Variants in USH2A observed in about 807,000 individuals in gnomAD.
USH2A encodes Usher syndrome 2A (autosomal recessive, mild).
A neutral mutation model predicts 538.9 loss-of-function variants in USH2A; 443 were observed. The observed-to-expected ratio is 0.82, with a 90% CI of 0.76 to 0.89. The LOEUF (loss-of-function observed/expected upper bound fraction) is 0.89. Among genes scored for constraint, USH2A ranks in the 40% least tolerant of loss-of-function variants. USH2A has a pLI of 0.00. For synonymous variants in USH2A, 2,413 were observed against 2,273.5 expected, an observed-to-expected ratio of 1.06 and a Z score of -1.75; for missense variants, 6,633 against 6,324.8, an observed-to-expected ratio of 1.05 and a Z score of -1.65.
At chr1:216,379,334 A>G (rs945361267) in intron 3 of USH2A, among the ~76,000 whole-genome samples, 8 of 152,150 alleles carry the variant, frequency 5.3e-5, no homozygotes, top group African/African-American at 1.9e-4. Context: ...TTCTTCTTCT[A>G]AGGATTTGAG....
chr1:215,793,324 A>G (rs1397327261), intron 50 of USH2A, among the ~76,000 whole-genome samples: 4 of 152,106 alleles, frequency 2.6e-5, no homozygotes, highest in Non-Finnish European at 4.4e-5. Flanking sequence ...AAACTCTGAG[A>G]TTGTTCATGG....
chr1:215,877,105 GAC>G (rs1664791671), intron 43 of USH2A, among the ~76,000 whole-genome samples: 1 of 152,058 alleles, frequency 6.6e-6, no homozygotes, highest in East Asian at 1.9e-4. Flanking sequence ...TCATTTTATG[GAC>G]AACAAAAATG....
At chr1:215,984,788 T>C (rs1667833731) in intron 35 of USH2A, among the ~76,000 whole-genome samples, 1 of 152,208 alleles carries the variant, frequency 6.6e-6, no homozygotes, top group South Asian at 2.1e-4. Flanking sequence ...CAAACATATT[T>C]GTTTGTCTTT....
At chr1:215,830,708 C>G (rs1258242483) in intron 47 of USH2A, among the ~76,000 whole-genome samples, 1 of 152,184 alleles carries the variant, frequency 6.6e-6, no homozygotes, top group Non-Finnish European at 1.5e-5. Context: ...GCCTCACATG[C>G]ATAGCCTATG....
intron 37 of USH2A, among the ~76,000 whole-genome samples, chr1:215,950,504 CTTTT>C (rs11326101): frequency 7.6e-6 from 1 of 131,264 alleles, no homozygotes; most frequent in Non-Finnish European, 1.6e-5. Flanking sequence ...TAATTGCTAC[CTTTT>C]TTTTTTTTTT....
intron 38 of USH2A, among the ~76,000 whole-genome samples, chr1:215,929,457 A>G (rs1666311546): frequency 6.6e-6 from 1 of 152,024 alleles, no homozygotes; most frequent in Middle Eastern, 3.2e-3. Context: ...GGCCATATGT[A>G]TGTCAACATG....
intron 31 of USH2A, among the ~76,000 whole-genome samples, chr1:216,046,915 C>A (rs972824838): frequency 3.9e-5 from 6 of 152,104 alleles, no homozygotes; most frequent in African/African-American, 9.7e-5. Flanking sequence ...CAGATAGAGT[C>A]CCCTAGCCTC....
chr1:216,055,424 T>C (rs1222986267), intron 30 of USH2A, among the ~76,000 whole-genome samples: 1 of 152,214 alleles, frequency 6.6e-6, no homozygotes, highest in Non-Finnish European at 1.5e-5. Flanking sequence ...AAGAGACTTC[T>C]GGCTGAGGAT....
chr1:216,228,541 C>T (rs907198121), intron 14 of USH2A, among the ~76,000 whole-genome samples: 2 of 152,050 alleles, frequency 1.3e-5, no homozygotes, highest in South Asian at 4.1e-4. Context: ...ATAAGTCTCA[C>T]GATATCTGAT....
At chr1:215,743,414 G>C (rs376300286) in intron 58 of USH2A, 79 bp from the exon 59 acceptor site, 53 of 393,152 alleles carry the variant, frequency 1.3e-4, no homozygotes, top group African/African-American at 3.2e-4. Flanking sequence ...GTGTGTGTGT[G>C]TGTATATATA....
chr1:215,966,092 C>A (rs1667340364), intron 36 of USH2A, among the ~76,000 whole-genome samples: 1 of 152,066 alleles, frequency 6.6e-6, no homozygotes. Flanking sequence ...GGGACTCTAT[C>A]CCTAAGGCAC....
chr1:215,849,074 A>G (rs138783150), intron 44 of USH2A, among the ~76,000 whole-genome samples: 15 of 152,286 alleles, frequency 9.8e-5, no homozygotes, highest in Middle Eastern at 3.4e-3. Flanking sequence ...CTCCCTGTCT[A>G]TTGAGAAAAG....
chr1:215,986,966 T>C (rs1002431182), intron 35 of USH2A, among the ~76,000 whole-genome samples: 2 of 152,176 alleles, frequency 1.3e-5, no homozygotes, highest in Admixed American at 1.3e-4. Flanking sequence ...TCGATTTACT[T>C]AGGTAAAGAT....
rs182104516 is a variant in USH2A, at chr1:215,625,483, C to A, written c.*298G>T. Reference sequence around the variant, plus strand: ...AAATTGCCACTGATTATTCAGTTAACCAGGAGCATCACTGCCAAACAGAAC... The same window carrying A: ...AAATTGCCACTGATTATTCAGTTAAACAGGAGCATCACTGCCAAACAGAAC... On this transcript the variant is annotated 3_prime_UTR_variant, in exon 72 of 72. Transcript: ENST00000307340. The A allele has an allele frequency of 4.8e-6, 2 of 419,124 alleles. No homozygotes were observed. The highest frequency in any genetic ancestry group is 8.8e-6 in the Non-Finnish European group (2 of 226,366). The allele number at this position is 419,124 out of a possible 1,614,324, so 26.0% of individuals were successfully genotyped here.
chr1:215,720,468 A>G (rs1319484415), intron 61 of USH2A, among the ~76,000 whole-genome samples: 1 of 152,202 alleles, frequency 6.6e-6, no homozygotes, highest in African/African-American at 2.4e-5. Context: ...TTTTGGGATA[A>G]TAGGCTAGCA....
intron 26 of USH2A, among the ~76,000 whole-genome samples, chr1:216,081,784 G>A (rs879420532): frequency 6.6e-6 from 1 of 151,726 alleles, no homozygotes; most frequent in African/African-American, 2.4e-5. Flanking sequence ...ATAGAAAAAG[G>A]GTCTCACTAT....
intron 32 of USH2A, among the ~76,000 whole-genome samples, chr1:216,032,149 A>G (rs1669142843): frequency 6.6e-6 from 1 of 152,134 alleles, no homozygotes; most frequent in South Asian, 2.1e-4. Context: ...CCTGCTCAAC[A>G]AATATTTTCT....
intron 2 of USH2A, among the ~76,000 whole-genome samples, chr1:216,419,776 A>T (rs1308551306): frequency 6.6e-6 from 1 of 152,156 alleles, no homozygotes; most frequent in South Asian, 2.1e-4. Flanking sequence ...CCAATCAAGA[A>T]TTACTGCTAA....
intron 21 of USH2A, chr1:216,175,013 A>T (rs2102640582): frequency 7.4e-7 from 1 of 1,352,480 alleles, no homozygotes; most frequent in Non-Finnish European, 9.5e-7. Context: ...ACTTTGATCC[A>T]ATAAGGCTGC....
Sources: allele counts gnomAD v4.1 joint callset (sites outside exome capture counted in the v4.1 genomes callset), GRCh38; gene constraint gnomAD v4.1.1; transcripts MANE v1.5; gene names NCBI Gene and HGNC (gene_info 2026-07-23, HGNC 2026-07-21).